Variants in NOL4 observed in about 807,000 individuals in gnomAD.
The protein encoded by NOL4 is cancer/testis antigen 125.
A neutral mutation model predicts 75.9 loss-of-function variants in NOL4; 17 were observed. The ratio of observed to expected loss-of-function variants is 0.22; its 90% CI spans 0.15 to 0.34. The LOEUF (loss-of-function observed/expected upper bound fraction) is 0.34, where lower values mean the gene tolerates loss of function less well. Ranked by LOEUF, NOL4 falls within the 10% of genes least tolerant of loss-of-function variation. The pLI, the probability that NOL4 is intolerant of heterozygous loss-of-function variation, is 1.00. For missense variants in NOL4, 614 were observed against 793.5 expected, an observed-to-expected ratio of 0.77 and a Z score of 2.72; for synonymous variants, 292 against 289.9, an observed-to-expected ratio of 1.01 and a Z score of -0.07.
intron 1 of NOL4, among the ~76,000 whole-genome samples, chr18:34,201,014 C>G (rs2035698353): frequency 6.6e-6 from 1 of 151,216 alleles, no homozygotes; most frequent in African/African-American, 2.4e-5. Context: ...CTATGCTGCT[C>G]TATATAGGGT....
intron 6 of NOL4, among the ~76,000 whole-genome samples, chr18:34,004,784 C>G (rs1313255663): frequency 6.6e-6 from 1 of 151,932 alleles, no homozygotes; most frequent in African/African-American, 2.4e-5. Context: ...GAAAATCTTC[C>G]CAGACCACCT....
rs569771617 is a variant in NOL4 at position 33,997,278 on chromosome 18, T to C, written c.1056+22040A>G. On this transcript the variant is annotated intron_variant, in intron 6 of 10. Coordinates refer to ENST00000261592, the MANE Select transcript of NOL4 (RefSeq NM_003787.5). ...TATGGTGAAAGATAGGTTTCTGGTT[T>C]TATTCTTTTGCATATCAACAGCCAA... Among the ~76,000 whole-genome samples the C allele has an allele frequency of 2.6e-3, 400 of 152,032 alleles. 1 individual carries two copies. The highest frequency in any genetic ancestry group is 4.9e-3 in the Non-Finnish European group (334 of 67,882).
intron 9 of NOL4, among the ~76,000 whole-genome samples, chr18:33,911,015 A>G (rs990807233): frequency 2.6e-5 from 4 of 152,092 alleles, no homozygotes; most frequent in African/African-American, 9.7e-5. Context: ...CTTCTCGGCT[A>G]TAATTTGGGT....
At position 34,019,365 on chromosome 18, in the gene NOL4, T is replaced by A. The variant is rs1368300910; in HGVS notation, c.1009A>T (p.Ile337Phe). 6.2e-7 allele frequency: 1 copy of A among 1,614,048 alleles called. No individual in the cohort carries two copies. The highest frequency in any genetic ancestry group is 1.1e-5 in the South Asian group (1 of 91,074). Reference sequence around the variant, plus strand: ...TCTCGTTCCATCTTGAGGTCAGAAATTAGAAGATTCTTATACTTGTTTTTC... The same window carrying A: ...TCTCGTTCCATCTTGAGGTCAGAAAATAGAAGATTCTTATACTTGTTTTTC... ...NGKNKYKNLL[I>F]SDLKMEREAR... The change falls in exon 6 of 11, where the codon ATT (isoleucine) becomes TTT (phenylalanine). Residue 337 changes from isoleucine (I) to phenylalanine (F), a missense_variant. This residue lies in a region of NOL4 where 196 missense variants were observed against 167.9 expected (regional missense o/e 1.17). Transcript: ENST00000261592.
intron 5 of NOL4, among the ~76,000 whole-genome samples, chr18:34,049,093 C>A (rs369095374): frequency 0.031 from 4,509 of 143,444 alleles, 100 homozygotes; most frequent in Non-Finnish European, 0.048. Context: ...CACACACACA[C>A]ACACACACAC....
chr18:34,014,180 T>C (rs971130765), intron 6 of NOL4, among the ~76,000 whole-genome samples: 12 of 152,002 alleles, frequency 7.9e-5, no homozygotes, highest in African/African-American at 2.4e-5. Flanking sequence ...TAATATTTTA[T>C]AAACTAACTG....
At chr18:34,118,035 T>A (rs749908141) in intron 2 of NOL4, among the ~76,000 whole-genome samples, 18 of 152,204 alleles carry the variant, frequency 1.2e-4, no homozygotes, top group Non-Finnish European at 1.9e-4. Flanking sequence ...AGTTTGAAAA[T>A]GTAACTTGGT....
intron 9 of NOL4, among the ~76,000 whole-genome samples, chr18:33,927,502 A>G (rs1599894057): frequency 6.6e-6 from 1 of 152,130 alleles, no homozygotes; most frequent in African/African-American, 2.4e-5. Context: ...GCAGTCATCT[A>G]AGAGTCAGTG....
intron 1 of NOL4, among the ~76,000 whole-genome samples, chr18:34,145,384 A>G (rs1465501562): frequency 6.6e-6 from 1 of 152,008 alleles, no homozygotes; most frequent in Non-Finnish European, 1.5e-5. Flanking sequence ...TTAGTAAAAC[A>G]TTTACAAATA....
At chr18:34,095,369 T>C (rs2078729234) in intron 4 of NOL4, among the ~76,000 whole-genome samples, 1 of 151,802 alleles carries the variant, frequency 6.6e-6, no homozygotes, top group African/African-American at 2.4e-5. Flanking sequence ...CATATACAAA[T>C]ACATACATAT....
At chr18:33,968,125 A>C (rs930918159) in intron 6 of NOL4, among the ~76,000 whole-genome samples, 2 of 152,016 alleles carry the variant, frequency 1.3e-5, no homozygotes, top group Non-Finnish European at 2.9e-5. Flanking sequence ...TTAAAATAAA[A>C]AAATAGCGGA....
At chr18:34,122,658 C>T (rs921960992) in intron 2 of NOL4, among the ~76,000 whole-genome samples, 3 of 152,106 alleles carry the variant, frequency 2.0e-5, no homozygotes, top group African/African-American at 7.2e-5. Context: ...GATTTAAACT[C>T]AAGTCTAGTT....
In NOL4 at chr18:34,145,292, T is replaced by C. The variant is rs374127409; in HGVS notation, c.265-15272A>G. Reference sequence around the variant, plus strand: ...AATGAATGAAAATAGTTATTACCTTTTCTAGTCTTAAGTATTATCAATCAG... The same window carrying C: ...AATGAATGAAAATAGTTATTACCTTCTCTAGTCTTAAGTATTATCAATCAG... On this transcript the variant is annotated intron_variant, in intron 1 of 10. Coordinates refer to ENST00000261592, the MANE Select transcript of NOL4 (RefSeq NM_003787.5). Among the ~76,000 whole-genome samples, 5 of 152,174 alleles carry C rather than the reference T, an allele frequency of 3.3e-5. No individual in the cohort carries two copies. The South Asian group carries it at 6.2e-4, about 19-fold the overall frequency.
At chr18:33,894,679 T>C (rs2065292564) in intron 9 of NOL4, among the ~76,000 whole-genome samples, 1 of 152,142 alleles carries the variant, frequency 6.6e-6, no homozygotes, top group Non-Finnish European at 1.5e-5. Context: ...TAACAAATTC[T>C]CTTTGTAGCA....
intron 8 of NOL4, among the ~76,000 whole-genome samples, chr18:33,953,384 G>T (rs1442493034): frequency 6.6e-6 from 1 of 151,976 alleles, no homozygotes; most frequent in African/African-American, 2.4e-5. Context: ...GGCATAATGT[G>T]TGTGAAGAGG....
chr18:34,021,186 T>A (rs2144482360), intron 5 of NOL4, among the ~76,000 whole-genome samples: 1 of 152,264 alleles, frequency 6.6e-6, no homozygotes, highest in Admixed American at 6.5e-5. Context: ...CACAGATAAT[T>A]AAGAGAGACA....
chr18:33,923,675 T>C (rs2067165532), intron 9 of NOL4, among the ~76,000 whole-genome samples: 1 of 152,172 alleles, frequency 6.6e-6, no homozygotes, highest in African/African-American at 2.4e-5. Flanking sequence ...ATGTATTGTA[T>C]ATGTTTACAT....
chr18:33,916,540 ATTAATT>A (rs796676468), intron 9 of NOL4, among the ~76,000 whole-genome samples: 171 of 152,290 alleles, frequency 1.1e-3, no homozygotes, highest in African/African-American at 3.9e-3. Context: ...ACAAGTATAA[ATTAATT>A]TTGTTAGGCA....
At chr18:33,951,392 G>T (rs1401070099) in intron 8 of NOL4, among the ~76,000 whole-genome samples, 1 of 151,938 alleles carries the variant, frequency 6.6e-6, no homozygotes, top group Non-Finnish European at 1.5e-5. Flanking sequence ...TTTCTTTCTG[G>T]TACATTTAAG....
Sources: gnomAD v4.1 joint callset for allele counts (sites outside exome capture counted in the v4.1 genomes callset) on GRCh38, gnomAD v4.1.1 for gene constraint, gnomAD v4.1.1 regional missense constraint, MANE v1.5 for transcripts, NCBI Gene and HGNC (gene_info 2026-07-23, HGNC 2026-07-21) for gene names.